Variants in PLCB1 observed in about 807,000 individuals in gnomAD.
The protein encoded by PLCB1 is 1-phosphatidylinositol 4,5-bisphosphate phosphodiesterase beta-1.
A neutral mutation model predicts 161.8 loss-of-function variants in PLCB1; 46 were observed. That is an observed-to-expected ratio of 0.28 (90% CI 0.22 to 0.36). The LOEUF is 0.36. Among genes scored for constraint, PLCB1 ranks in the 10% least tolerant of loss-of-function variants. The pLI is 1.00. For synonymous variants in PLCB1, 517 were observed against 503.7 expected (o/e 1.03, Z -0.35); for missense variants, 1,016 against 1,472.5 (o/e 0.69, Z 5.07).
chr20:8,844,096 A>G (rs1292955567), intron 31 of PLCB1, among the ~76,000 whole-genome samples: 1 of 152,238 alleles, frequency 6.6e-6, no homozygotes, highest in Non-Finnish European at 1.5e-5. Flanking sequence ...GAGAAAGTAA[A>G]TACATATTTC....
intron 2 of PLCB1, among the ~76,000 whole-genome samples, chr20:8,279,566 C>T (rs1264857843): frequency 6.6e-6 from 1 of 152,150 alleles, no homozygotes; most frequent in East Asian, 1.9e-4. Flanking sequence ...CTTAATGCCA[C>T]TGAACTGTAT....
In PLCB1 at chr20:8,261,822, G is replaced by A. The variant is rs6086382; in HGVS notation, c.178-109560G>A. 2.7e-3 allele frequency among the ~76,000 whole-genome samples: 408 copies of A among 152,252 alleles called. 1 individual carries two copies. In the Middle Eastern group the frequency reaches 0.041, roughly 15 times the overall value. On this transcript the variant is annotated intron_variant, in intron 2 of 31. Coordinates refer to ENST00000338037, the MANE Select transcript of PLCB1 (RefSeq NM_015192.4). ...TTTTCTTCTTAAACCAAGAGGATAA[G>A]CATTGTATTTAGTATTGAGATTAAT... is the stretch of plus-strand genomic sequence containing the variant.
intron 15 of PLCB1, 132 bp downstream of exon 15, chr20:8,722,553 T>C: frequency 1.9e-6 from 1 of 522,822 alleles, no homozygotes; most frequent in Non-Finnish European, 3.3e-6. Context: ...GCTTCAATTT[T>C]TGAGGCAATT....
intron 2 of PLCB1, among the ~76,000 whole-genome samples, chr20:8,261,512 C>T (rs6140569): frequency 0.3 from 45,349 of 151,956 alleles, 7,243 homozygotes; most frequent in East Asian, 0.44. Flanking sequence ...CGGTTGATGT[C>T]GAGCCTTATG....
chr20:8,627,851 C>T (rs1280163340), intron 3 of PLCB1, among the ~76,000 whole-genome samples: 2 of 152,208 alleles, frequency 1.3e-5, no homozygotes, highest in Non-Finnish European at 2.9e-5. Context: ...AGCAGGTCTA[C>T]GCTGAGAGCC....
At chr20:8,752,655 T>C (rs2123552447) in intron 23 of PLCB1, among the ~76,000 whole-genome samples, 1 of 151,978 alleles carries the variant, frequency 6.6e-6, no homozygotes, top group Non-Finnish European at 1.5e-5. Context: ...TAGCTGGGCA[T>C]GGTGGTGCAT....
At chr20:8,855,082 G>A (rs6118355) in intron 31 of PLCB1, among the ~76,000 whole-genome samples, 30 of 152,240 alleles carry the variant, frequency 2.0e-4, no homozygotes, top group African/African-American at 7.0e-4. Context: ...ATGATTAATA[G>A]GGGGATGTGA....
At chr20:8,475,194 A>G (rs530103809) in intron 3 of PLCB1, among the ~76,000 whole-genome samples, 8 of 152,216 alleles carry the variant, frequency 5.3e-5, no homozygotes, top group Non-Finnish European at 1.2e-4. Context: ...AAGATATGCC[A>G]GTAAGGTTTT....
intron 3 of PLCB1, among the ~76,000 whole-genome samples, chr20:8,486,443 A>T (rs1240101316): frequency 6.7e-6 from 1 of 149,886 alleles, no homozygotes; most frequent in Non-Finnish European, 1.5e-5. Flanking sequence ...TATTAAATGC[A>T]TTAAATGTTT....
chr20:8,579,811 C>T (rs1010592039), intron 3 of PLCB1, among the ~76,000 whole-genome samples: 3 of 152,022 alleles, frequency 2.0e-5, no homozygotes, highest in Non-Finnish European at 4.4e-5. Flanking sequence ...GGGAGCATGC[C>T]GTGCCACAGG....
chr20:8,396,016 C>T (rs1016969352), intron 3 of PLCB1, among the ~76,000 whole-genome samples: 2 of 151,974 alleles, frequency 1.3e-5, no homozygotes, highest in Non-Finnish European at 2.9e-5. Flanking sequence ...CTCAAATATT[C>T]GGCTTGTAAT....
intron 13 of PLCB1, 134 bp from the exon 14 acceptor site, chr20:8,717,537 A>G (rs1400657769): frequency 1.5e-5 from 9 of 605,704 alleles, no homozygotes; most frequent in East Asian, 8.2e-5. Flanking sequence ...AGATACACTA[A>G]GAGTTTAATG....
At chr20:8,420,576 G>A (rs1480337056) in intron 3 of PLCB1, among the ~76,000 whole-genome samples, 4 of 152,074 alleles carry the variant, frequency 2.6e-5, no homozygotes, top group Non-Finnish European at 5.9e-5. Context: ...CCATCTTTGT[G>A]TTCATCTTTA....
At chr20:8,794,288 A>C (rs1486222817) in intron 31 of PLCB1, among the ~76,000 whole-genome samples, 1 of 152,230 alleles carries the variant, frequency 6.6e-6, no homozygotes, top group East Asian at 1.9e-4. Flanking sequence ...GGGAAGTGAT[A>C]AGTGTTCATG....
intron 2 of PLCB1, among the ~76,000 whole-genome samples, chr20:8,246,051 G>T (rs971106385): frequency 1.3e-5 from 2 of 151,836 alleles, no homozygotes; most frequent in African/African-American, 4.8e-5. Context: ...TTTTGTACAT[G>T]AGCATTCATT....
At chr20:8,741,370 A>G in intron 22 of PLCB1, 94 bp from the exon 23 acceptor site, 1 of 787,786 alleles carries the variant, frequency 1.3e-6, no homozygotes, top group Non-Finnish European at 2.2e-6. Flanking sequence ...GAATGAATGC[A>G]TGGACTGATG....
intron 17 of PLCB1, 62 bp downstream of exon 17, chr20:8,727,455 C>T: frequency 2.1e-6 from 2 of 939,300 alleles, no homozygotes; most frequent in Non-Finnish European, 3.4e-6. Context: ...GCTATTTGTT[C>T]ATTTGGTTTT....
At chr20:8,710,084 G>A (rs1978911453) in intron 12 of PLCB1, among the ~76,000 whole-genome samples, 1 of 152,208 alleles carries the variant, frequency 6.6e-6, no homozygotes, top group Non-Finnish European at 1.5e-5. Context: ...GCCTGGGTAA[G>A]AGACTGGGTA....
At chr20:8,189,909 A>T (rs1012767076) in intron 2 of PLCB1, among the ~76,000 whole-genome samples, 4 of 152,084 alleles carry the variant, frequency 2.6e-5, no homozygotes, top group Admixed American at 2.0e-4. Flanking sequence ...AAAAAAATGC[A>T]CAAGTGTGAA....
Sources: allele counts gnomAD v4.1 joint callset (sites outside exome capture counted in the v4.1 genomes callset), GRCh38; gene constraint gnomAD v4.1.1; transcripts MANE v1.5; gene names NCBI Gene and HGNC (gene_info 2026-07-23, HGNC 2026-07-21).